DAB1: variants seen among roughly 807,000 people sequenced by gnomAD.
DAB1 encodes disabled homolog 1.
Under a neutral mutation model 64.6 loss-of-function variants are expected in DAB1, and 15 were observed. That is an observed-to-expected ratio of 0.23 (90% confidence interval 0.16 to 0.36). The LOEUF (loss-of-function observed/expected upper bound fraction) is 0.36. Ranked by LOEUF, DAB1 falls within the 10% of genes least tolerant of loss-of-function variation. The probability of loss-of-function intolerance (pLI) is 1.00; values close to 1 mark genes in which losing one functional copy is unlikely to be tolerated. For missense variants in DAB1, 596 were observed against 706.7 expected, an observed-to-expected ratio of 0.84 and a Z score of 1.78; for synonymous variants, 235 against 251.9, an observed-to-expected ratio of 0.93 and a Z score of 0.64.
rs533338269 is a variant in DAB1, at chr1:57,557,470, G to GTA, written n.625+92120_625+92121dup. On this transcript the variant is annotated intron_variant and non_coding_transcript_variant, in intron 7 of 20. Coordinates refer to the DAB1 transcript ENST00000485760. Reference sequence around the variant, plus strand: ...TATGTATACATATATATGTGTGTGTGTATATATATATATTTCATTAGTTCT... The same window carrying GTA: ...TATGTATACATATATATGTGTGTGTGTATATATATATATATTTCATTAGTTCT... 6.7e-3 allele frequency among the ~76,000 whole-genome samples: 1,015 copies of GTA among 151,048 alleles called. 9 individuals are homozygous for GTA. The highest frequency in any genetic ancestry group is 0.024 in the African/African-American group (970 of 41,198).
chr1:57,429,582 C>A (rs939976253), intron 7 of DAB1, among the ~76,000 whole-genome samples: 3 of 152,138 alleles, frequency 2.0e-5, no homozygotes, highest in South Asian at 4.1e-4. Context: ...TGCCAAGGAG[C>A]TTTTCCTCTG....
At chr1:58,494,021 T>A (rs1645748670) in intron 3 of DAB1, among the ~76,000 whole-genome samples, 1 of 151,654 alleles carries the variant, frequency 6.6e-6, no homozygotes, top group Non-Finnish European at 1.5e-5. Context: ...CAAACTATAC[T>A]ACAAGGCTAC....
At chr1:58,433,590 A>AGTGTGTGT (rs1443326796) in intron 3 of DAB1, among the ~76,000 whole-genome samples, 10 of 108,622 alleles carry the variant, frequency 9.2e-5, no homozygotes, top group Admixed American at 5.3e-4. Flanking sequence ...AGAGAGAGAG[A>AGTGTGTGT]GAGAGAGTGT....
intron 5 of DAB1, among the ~76,000 whole-genome samples, chr1:57,952,949 A>G (rs921661355): frequency 6.6e-6 from 1 of 150,516 alleles, no homozygotes; most frequent in African/African-American, 2.5e-5. Context: ...ACTTTTCCCT[A>G]TTGTTCTATT....
intron 4 of DAB1, among the ~76,000 whole-genome samples, chr1:58,197,275 T>C (rs926762009): frequency 1.3e-5 from 2 of 152,118 alleles, no homozygotes; most frequent in Non-Finnish European, 2.9e-5. Flanking sequence ...GAGAATTAAA[T>C]AGAATAGAAG....
chr1:58,072,694 T>C (rs1649352975), intron 5 of DAB1, among the ~76,000 whole-genome samples: 1 of 152,228 alleles, frequency 6.6e-6, no homozygotes, highest in Non-Finnish European at 1.5e-5. Context: ...GATGACAACA[T>C]TGATATGATC....
intron 5 of DAB1, among the ~76,000 whole-genome samples, chr1:57,915,116 A>G (rs1010806661): frequency 2.8e-5 from 4 of 142,864 alleles, no homozygotes; most frequent in Admixed American, 2.1e-4. Context: ...ACAAACAATG[A>G]TTCTTTAAAT....
chr1:57,137,419 A>G (rs1658220953), intron 3 of DAB1, among the ~76,000 whole-genome samples: 1 of 152,200 alleles, frequency 6.6e-6, no homozygotes, highest in South Asian at 2.1e-4. Context: ...TAATTGCTAG[A>G]TGAATATGTG....
chr1:58,514,251 C>T lies in DAB1; in HGVS notation n.108-8042G>A, dbSNP rs528685075. On this transcript the variant is annotated intron_variant and non_coding_transcript_variant, in intron 2 of 20. Coordinates refer to the DAB1 transcript ENST00000485760. ...GAACATATTGAGAAAGAATTTGCTA[C>T]TATTAAATTATAAATTCAGTGGGAT... Among the ~76,000 whole-genome samples, 7 of 152,180 alleles carry T rather than the reference C, an allele frequency of 4.6e-5. No individual in the cohort carries two copies. In the South Asian group the frequency reaches 1.5e-3, roughly 32 times the overall value.
intron 6 of DAB1, among the ~76,000 whole-genome samples, chr1:57,678,517 T>G (rs1025905101): frequency 2.6e-5 from 4 of 152,074 alleles, no homozygotes; most frequent in African/African-American, 9.7e-5. Context: ...GACCAGTTAG[T>G]CACTTAACAT....
intron 4 of DAB1, among the ~76,000 whole-genome samples, chr1:58,263,776 A>T (rs1475395199): frequency 6.6e-6 from 1 of 152,242 alleles, no homozygotes; most frequent in East Asian, 1.9e-4. Context: ...TAACAATACT[A>T]ACCTCAGAAG....
chr1:57,079,126 A>T (rs998070932), intron 4 of DAB1, among the ~76,000 whole-genome samples: 1 of 152,180 alleles, frequency 6.6e-6, no homozygotes, highest in Non-Finnish European at 1.5e-5. Context: ...AAATGTACAC[A>T]TATCCATATA....
At chr1:58,020,930 G>A (rs1646806336) in intron 5 of DAB1, among the ~76,000 whole-genome samples, 1 of 152,152 alleles carries the variant, frequency 6.6e-6, no homozygotes, top group African/African-American at 2.4e-5. Flanking sequence ...TTGAACCCAG[G>A]AGGTGGAGGT....
intron 2 of DAB1, among the ~76,000 whole-genome samples, chr1:57,240,842 C>T (rs1350292405): frequency 4.6e-5 from 7 of 152,164 alleles, no homozygotes; most frequent in Non-Finnish European, 1.0e-4. Context: ...CCCTTACTAT[C>T]AATGCTTGGT....
chr1:57,007,269 G>C (rs192327016), intron 14 of DAB1, among the ~76,000 whole-genome samples: 1 of 152,302 alleles, frequency 6.6e-6, no homozygotes, highest in East Asian at 1.9e-4. Context: ...ACTCTGACTT[G>C]ACAGCTGGGA....
intron 7 of DAB1, among the ~76,000 whole-genome samples, chr1:57,541,506 A>G (rs1486512015): frequency 6.6e-6 from 1 of 152,232 alleles, no homozygotes; most frequent in Non-Finnish European, 1.5e-5. Context: ...TCATAGTGCC[A>G]GTATAACAAA....
Position 57,267,529 on chromosome 1 carries a change from T to A in DAB1, c.67+23435A>T, listed in dbSNP as rs890120305. ...AGAAGACTTCATACTGTCTGTGGTA[T>A]CATAATCCCTCCCAAGGGCAGCCTC... On this transcript the variant is annotated intron_variant, in intron 2 of 14. Transcript: ENST00000371236. 2.0e-5 allele frequency among the ~76,000 whole-genome samples: 3 copies of A among 152,210 alleles called. No homozygotes were observed. The South Asian group carries it at 6.2e-4, about 31-fold the overall frequency.
chr1:58,279,757 C>A lies in DAB1; in HGVS notation n.309+63595G>T, dbSNP rs147643026. On this transcript the variant is annotated intron_variant and non_coding_transcript_variant, in intron 4 of 20. Coordinates refer to the DAB1 transcript ENST00000485760. Reference sequence around the variant, plus strand: ...GTAAATATGCAGCTGCCATGCTTATCTGCCCAAAGGTAGATATTGTCACCA... The same window carrying A: ...GTAAATATGCAGCTGCCATGCTTATATGCCCAAAGGTAGATATTGTCACCA... Among the ~76,000 whole-genome samples the A allele has an allele frequency of 7.9e-3, 1,207 of 152,250 alleles. 9 individuals carry two copies. The highest frequency in any genetic ancestry group is 0.012 in the Non-Finnish European group (834 of 68,024).
chr1:57,367,129 G>C (rs1207229567), intron 1 of DAB1, among the ~76,000 whole-genome samples: 1 of 134,652 alleles, frequency 7.4e-6, no homozygotes. Flanking sequence ...AAATAAATTA[G>C]CCAGGCATGG....
Sources: allele counts gnomAD v4.1 joint callset (sites outside exome capture counted in the v4.1 genomes callset), GRCh38; gene constraint gnomAD v4.1.1; transcripts MANE v1.5; gene names NCBI Gene and HGNC (gene_info 2026-07-23, HGNC 2026-07-21).